Variants in NUDCD1 observed in about 807,000 individuals in gnomAD.
NUDCD1 encodes the protein nudC domain-containing protein 1.
Under a neutral mutation model 67.8 loss-of-function variants are expected in NUDCD1, and 60 were observed. That is an observed-to-expected ratio of 0.88 (90% CI 0.72 to 1.10). NUDCD1 has a LOEUF of 1.10. Among genes scored for constraint, NUDCD1 ranks in the 50% least tolerant of loss-of-function variants. The probability of loss-of-function intolerance (pLI) is 0.00; values close to 1 mark genes in which losing one functional copy is unlikely to be tolerated. For missense variants in NUDCD1, 643 were observed against 695.0 expected, an observed-to-expected ratio of 0.93 and a Z score of 0.84; for synonymous variants, 244 against 230.8, an observed-to-expected ratio of 1.06 and a Z score of -0.52.
intron 4 of NUDCD1, among the ~76,000 whole-genome samples, chr8:109,293,055 T>A (rs928895085): frequency 6.7e-6 from 1 of 149,884 alleles, no homozygotes; most frequent in Admixed American, 6.6e-5. Context: ...ATGCATATAT[T>A]TTTGTATATA....
intron 1 of NUDCD1, among the ~76,000 whole-genome samples, chr8:109,324,264 A>G (rs770303501): frequency 6.6e-6 from 1 of 152,058 alleles, no homozygotes; most frequent in Non-Finnish European, 1.5e-5. Context: ...TCTCAAAAGA[A>G]TATATAAATA....
chr8:109,320,331 C>G (rs914509678), intron 2 of NUDCD1, among the ~76,000 whole-genome samples: 12 of 152,174 alleles, frequency 7.9e-5, no homozygotes, highest in Non-Finnish European at 1.3e-4. Flanking sequence ...CAGAGACCCA[C>G]CCCCAGGTGC....
At chr8:109,274,604 A>G (rs959834236) in intron 7 of NUDCD1, among the ~76,000 whole-genome samples, 1 of 152,274 alleles carries the variant, frequency 6.6e-6, no homozygotes, top group African/African-American at 2.4e-5. Context: ...CTATTTAGCC[A>G]TGTTTCCTTT....
At chr8:109,265,012 A>T (rs1813962876) in intron 8 of NUDCD1, among the ~76,000 whole-genome samples, 1 of 152,054 alleles carries the variant, frequency 6.6e-6, no homozygotes, top group Admixed American at 6.5e-5. Flanking sequence ...AGTACACCAA[A>T]AAGCTTAAGG....
intron 8 of NUDCD1, among the ~76,000 whole-genome samples, chr8:109,253,749 A>G (rs1586251702): frequency 6.6e-6 from 1 of 152,230 alleles, no homozygotes; most frequent in East Asian, 1.9e-4. Context: ...TAAAATAACT[A>G]GTTTTGCTAA....
intron 1 of NUDCD1, 114 bp downstream of exon 1, chr8:109,333,779 C>T (rs1815875501): frequency 3.4e-6 from 4 of 1,174,762 alleles, no homozygotes; most frequent in Middle Eastern, 3.0e-4. Context: ...TCCACGCAAG[C>T]CGCCACGGTG....
intron 2 of NUDCD1, 62 bp downstream of exon 2, chr8:109,322,247 A>C: frequency 1.2e-6 from 1 of 863,986 alleles, no homozygotes; most frequent in East Asian, 2.7e-5. Context: ...AGGGAAACTT[A>C]ATTATCAAAT....
chr8:109,298,330 G>A lies in NUDCD1; in HGVS notation c.274-1761C>T, dbSNP rs1470300030. ...AATTAACCCATTTGGTCTGTTAAGTGGAGGTCAATTAAGATAAATTTTACT... is the reference window on the plus strand; with the variant it reads ...AATTAACCCATTTGGTCTGTTAAGTAGAGGTCAATTAAGATAAATTTTACT... On this transcript the variant is annotated intron_variant, in intron 2 of 9. Transcript: ENST00000239690. Among the ~76,000 whole-genome samples the A allele has an allele frequency of 3.3e-5, 5 of 152,138 alleles. No individual in the cohort carries two copies. In the East Asian group the frequency reaches 9.6e-4, roughly 29 times the overall value.
Position 109,275,485 on chromosome 8 carries a change from GA to G in NUDCD1, c.1039del (p.Ser347ProfsTer2), listed in dbSNP as rs1814264579. Reference protein sequence around the residue: ...IIKESNSLEISLIKKNEGLTW... With the variant: ...IIKESNSLEIXLIKKNEGLTW... The stretch of plus-strand genomic sequence containing the variant: ...CAGTCCTTCATTCTTCTTAATCAAG[GA>G]AATCTCCAAGCTAGAAGTTTAAATG... On this transcript the variant is annotated frameshift_variant, in exon 7 of 10. Transcript: ENST00000239690. LOFTEE classifies it high-confidence loss of function. 4 of 1,610,116 alleles carry G rather than the reference GA, an allele frequency of 2.5e-6. No individual in the cohort carries two copies. Among genetic ancestry groups the G allele is most frequent in the South Asian group, 2.2e-5 (2 of 90,112 alleles).
intron 2 of NUDCD1, among the ~76,000 whole-genome samples, chr8:109,313,343 C>T (rs1815302476): frequency 6.6e-6 from 1 of 152,110 alleles, no homozygotes; most frequent in African/African-American, 2.4e-5. Context: ...ACATAAAATA[C>T]TGATTTTTTA....
intron 2 of NUDCD1, among the ~76,000 whole-genome samples, chr8:109,310,456 T>A (rs1815215804): frequency 6.6e-6 from 1 of 152,232 alleles, no homozygotes; most frequent in Non-Finnish European, 1.5e-5. Flanking sequence ...TCTCACCTTA[T>A]ACAAAATTCA....
At chr8:109,266,263 T>C (rs2129932722) in intron 8 of NUDCD1, among the ~76,000 whole-genome samples, 1 of 151,992 alleles carries the variant, frequency 6.6e-6, no homozygotes, top group South Asian at 2.1e-4. Context: ...TCTCGCTGTG[T>C]CACCCAGGCC....
intron 7 of NUDCD1, among the ~76,000 whole-genome samples, chr8:109,273,985 G>A (rs1814218562): frequency 6.6e-6 from 1 of 151,988 alleles, no homozygotes; most frequent in African/African-American, 2.4e-5. Context: ...ACCAAGACGG[G>A]CTTATCCCAC....
At chr8:109,253,869 A>G (rs1174403457) in intron 8 of NUDCD1, among the ~76,000 whole-genome samples, 14 of 152,212 alleles carry the variant, frequency 9.2e-5, no homozygotes, top group Admixed American at 9.2e-4. Flanking sequence ...TATGAATAAC[A>G]AAAGGATATT....
chr8:109,313,161 G>T (rs988754217), intron 2 of NUDCD1, among the ~76,000 whole-genome samples: 3 of 152,128 alleles, frequency 2.0e-5, no homozygotes, highest in Admixed American at 6.5e-5. Context: ...TGGTTCCCAT[G>T]GTATGTGTTC....
chr8:109,317,188 A>G (rs117293803), intron 2 of NUDCD1, among the ~76,000 whole-genome samples: 22 of 152,284 alleles, frequency 1.4e-4, no homozygotes, highest in Non-Finnish European at 3.1e-4. Context: ...TGCACAAAAA[A>G]CTGAACAGGT....
intron 8 of NUDCD1, among the ~76,000 whole-genome samples, chr8:109,264,379 C>T (rs1813941817): frequency 6.6e-6 from 1 of 152,118 alleles, no homozygotes; most frequent in South Asian, 2.1e-4. Context: ...GGATAATAGC[C>T]TGCCAATCCT....
chr8:109,313,177 T>C (rs1273895293), intron 2 of NUDCD1, among the ~76,000 whole-genome samples: 1 of 152,160 alleles, frequency 6.6e-6, no homozygotes, highest in Non-Finnish European at 1.5e-5. Context: ...TGTTCTCCCT[T>C]ACTGCAAAAG....
intron 2 of NUDCD1, among the ~76,000 whole-genome samples, chr8:109,305,152 G>A (rs1815074589): frequency 6.6e-6 from 1 of 152,100 alleles, no homozygotes; most frequent in South Asian, 2.1e-4. Flanking sequence ...TACACATCAA[G>A]CTTGGGAATT....
Sources: gnomAD v4.1 joint callset for allele counts (sites outside exome capture counted in the v4.1 genomes callset) on GRCh38, gnomAD v4.1.1 for gene constraint, MANE v1.5 for transcripts, NCBI Gene and HGNC (gene_info 2026-07-23, HGNC 2026-07-21) for gene names.